The following MMP16 variants were observed in gnomAD, a reference collection of about 807,000 sequenced individuals.
The protein encoded by MMP16 is matrix metallopeptidase 16, also known as matrix metalloproteinase-16.
Under a neutral mutation model 67.8 loss-of-function variants are expected in MMP16, and 12 were observed. The ratio of observed to expected loss-of-function variants is 0.18; its 90% CI spans 0.11 to 0.29. MMP16 has a LOEUF of 0.29. MMP16 is among the 10% of genes least tolerant of loss of function. MMP16 has a pLI of 1.00. For missense variants in MMP16, 475 were observed against 765.7 expected, an observed-to-expected ratio of 0.62 and a Z score of 4.48; for synonymous variants, 249 against 255.9, an observed-to-expected ratio of 0.97 and a Z score of 0.26.
chr8:88,218,419 TG>T (rs765494307), intron 1 of MMP16, among the ~76,000 whole-genome samples: 65 of 151,998 alleles, frequency 4.3e-4, no homozygotes, highest in Non-Finnish European at 8.7e-4. Context: ...ATATACAGCA[TG>T]GTGACTTTAG....
chr8:88,300,294 G>T (rs1811077850), intron 1 of MMP16, among the ~76,000 whole-genome samples: 1 of 152,156 alleles, frequency 6.6e-6, no homozygotes, highest in South Asian at 2.1e-4. Context: ...CCCTCCTTAT[G>T]CAGTTTCACT....
chr8:88,249,480 A>G (rs943035365), intron 1 of MMP16, among the ~76,000 whole-genome samples: 1 of 152,090 alleles, frequency 6.6e-6, no homozygotes, highest in Non-Finnish European at 1.5e-5. Flanking sequence ...TCCCCAGCCT[A>G]AGGGAATAGA....
chr8:88,116,472 C>T (rs1248783003), intron 6 of MMP16, 35 bp downstream of exon 6: 1 of 1,555,962 alleles, frequency 6.4e-7, no homozygotes, highest in East Asian at 2.3e-5. Flanking sequence ...GACACTTGAT[C>T]TACTGTTAAA....
Position 88,306,624 on chromosome 8 carries a change from T to C in MMP16, c.132+20451A>G, listed in dbSNP as rs375562031. 3.9e-5 allele frequency among the ~76,000 whole-genome samples: 6 copies of C among 152,234 alleles called. No individual in the cohort carries two copies. The East Asian group carries it at 9.7e-4, about 25-fold the overall frequency. On this transcript the variant is annotated intron_variant, in intron 1 of 9. Coordinates refer to ENST00000286614, the MANE Select transcript of MMP16 (RefSeq NM_005941.5). ...TCCCTGGGATGCAAGGTTGGTTCAA[T>C]ATATGCAAATCAGTAAATGTGATTC... is the stretch of plus-strand genomic sequence containing the variant.
At chr8:88,207,021 T>C (rs1034394173) in intron 1 of MMP16, among the ~76,000 whole-genome samples, 32 of 152,244 alleles carry the variant, frequency 2.1e-4, no homozygotes, top group African/African-American at 7.0e-4. Flanking sequence ...CTTCAACAAT[T>C]TGAAAAACCT....
chr8:88,223,756 G>T (rs1013908190), intron 1 of MMP16, among the ~76,000 whole-genome samples: 1 of 150,740 alleles, frequency 6.6e-6, no homozygotes, highest in Non-Finnish European at 1.5e-5. Flanking sequence ...CGAGTTAATG[G>T]GTGCAGCACA....
At chr8:88,132,061 C>CAATAGGCCTTG (rs1808039079) in intron 4 of MMP16, among the ~76,000 whole-genome samples, 2 of 151,796 alleles carry the variant, frequency 1.3e-5, no homozygotes, top group Admixed American at 1.3e-4. Flanking sequence ...CCTTGTCCTG[C>CAATAGGCCTTG]TCTATTTTGT....
chr8:88,282,081 TTGG>T lies in MMP16; in HGVS notation c.132+44991_132+44993del, dbSNP rs1308731698. 1.2e-3 allele frequency among the ~76,000 whole-genome samples: 39 copies of T among 33,676 alleles called. 1 individual carries two copies. Among genetic ancestry groups the T allele is most frequent in the African/African-American group, 3.9e-3 (37 of 9,460 alleles). The allele number at this position is 33,676 out of a possible 152,430, so 22.1% of individuals were successfully genotyped here. A position where few individuals can be genotyped will look rare whatever the true frequency, so the allele number is the denominator to read the frequency against. ...AAAATTCCAGATTTTTTTTTCTTTT[TTGG>T]GGGGGGGGGGGCGACGGGGTCTTGC... On this transcript the variant is annotated intron_variant, in intron 1 of 9. Coordinates refer to ENST00000286614, the MANE Select transcript of MMP16 (RefSeq NM_005941.5).
intron 3 of MMP16, among the ~76,000 whole-genome samples, chr8:88,168,766 C>T (rs1333031453): frequency 2.6e-5 from 4 of 151,952 alleles, no homozygotes; most frequent in African/African-American, 9.7e-5. Flanking sequence ...AAATTCAAAG[C>T]ATGCATGTGA....
Position 88,033,116 on chromosome 8 carries a change from T to A in MMP16, c.*8345A>T, listed in dbSNP as rs1808007058. The A allele has an allele frequency of 6.6e-6, 1 of 151,988 alleles. No homozygotes were observed. Among genetic ancestry groups the A allele is most frequent in the African/African-American group, 2.4e-5 (1 of 41,526 alleles). The allele number at this position is 151,988 out of a possible 1,614,324, so 9.4% of individuals were successfully genotyped here. On this transcript the variant is annotated 3_prime_UTR_variant, in exon 10 of 10. Coordinates refer to ENST00000286614, the MANE Select transcript of MMP16 (RefSeq NM_005941.5). ...TAACCACAATATAGAAAGGAAAAAA[T>A]TAGTTTCACAAGAAGCTATAAAATG...
rs146267791 is a variant in MMP16 at position 88,171,751 on chromosome 8, TCAA to T, written c.405-3781_405-3779del. 2.1e-3 allele frequency among the ~76,000 whole-genome samples: 323 copies of T among 152,134 alleles called. 1 individual carries two copies. The highest frequency in any genetic ancestry group is 7.3e-3 in the African/African-American group (303 of 41,522). ...CTCGAATTAAACAAAGATGGAAAATTCAACAACATTACTTTAGGAAGAAAAAAT... is the reference window on the plus strand; with the variant it reads ...CTCGAATTAAACAAAGATGGAAAATTCAACATTACTTTAGGAAGAAAAAAT... On this transcript the variant is annotated intron_variant, in intron 3 of 9. Coordinates refer to ENST00000286614, the MANE Select transcript of MMP16 (RefSeq NM_005941.5).
chr8:88,274,001 G>T (rs1229795499), intron 1 of MMP16, among the ~76,000 whole-genome samples: 12 of 151,914 alleles, frequency 7.9e-5, no homozygotes, highest in Admixed American at 7.2e-4. Flanking sequence ...CATCAACATT[G>T]CTAACGTTTA....
At chr8:88,285,131 TTTGTTGTTG>T (rs902991529) in intron 1 of MMP16, among the ~76,000 whole-genome samples, 3 of 152,046 alleles carry the variant, frequency 2.0e-5, no homozygotes, top group South Asian at 4.2e-4. Context: ...TTTATTTGTT[TTTGTTGTTG>T]TTGTTGTTGT....
intron 4 of MMP16, among the ~76,000 whole-genome samples, chr8:88,164,047 A>C (rs1042108366): frequency 2.0e-5 from 3 of 152,128 alleles, no homozygotes; most frequent in Non-Finnish European, 4.4e-5. Flanking sequence ...TTGATAGGAA[A>C]GTAGATAACA....
intron 1 of MMP16, among the ~76,000 whole-genome samples, chr8:88,285,607 C>T (rs977009708): frequency 6.6e-6 from 1 of 152,166 alleles, no homozygotes; most frequent in South Asian, 2.1e-4. Context: ...AGATACCATG[C>T]CCCTTCTTGC....
intron 1 of MMP16, among the ~76,000 whole-genome samples, chr8:88,302,732 C>T (rs1412335860): frequency 1.3e-5 from 2 of 152,054 alleles, no homozygotes; most frequent in Non-Finnish European, 2.9e-5. Flanking sequence ...TCCAAGATGG[C>T]CGATTAAAAG....
intron 1 of MMP16, among the ~76,000 whole-genome samples, chr8:88,229,599 A>G (rs1325096331): frequency 6.6e-6 from 1 of 152,202 alleles, no homozygotes; most frequent in South Asian, 2.1e-4. Flanking sequence ...GCAATATTTT[A>G]GTGGCATTTA....
At position 88,155,846 on chromosome 8, in the gene MMP16, C is replaced by T. The variant is rs932979309; in HGVS notation, c.709+11823G>A. Among the ~76,000 whole-genome samples the T allele has an allele frequency of 3.3e-5, 5 of 152,050 alleles. No individual in the cohort carries two copies. The South Asian group carries it at 1.0e-3, about 31-fold the overall frequency. ...CTTGATAAAATACTTTCAGTGACAG[C>T]CTTTTATTCCTGAGTCTTCAAGTAG... On this transcript the variant is annotated intron_variant, in intron 4 of 9. Coordinates refer to ENST00000286614, the MANE Select transcript of MMP16 (RefSeq NM_005941.5).
At chr8:88,247,907 G>C (rs1810145235) in intron 1 of MMP16, among the ~76,000 whole-genome samples, 1 of 152,002 alleles carries the variant, frequency 6.6e-6, no homozygotes, top group Non-Finnish European at 1.5e-5. Flanking sequence ...CTCTGAGGTT[G>C]TCAAACGTTG....
Sources: allele counts gnomAD v4.1 joint callset (sites outside exome capture counted in the v4.1 genomes callset), GRCh38; gene constraint gnomAD v4.1.1; transcripts MANE v1.5; gene names NCBI Gene and HGNC (gene_info 2026-07-23, HGNC 2026-07-21).